Variants in PRR13 observed in about 807,000 individuals in gnomAD.
PRR13 encodes proline-rich protein 13.
Under a neutral mutation model 11.5 loss-of-function variants are expected in PRR13, and 7 were observed. The ratio of observed to expected loss-of-function variants is 0.61; its 90% CI spans 0.34 to 1.14. The LOEUF is 1.14. Ranked by LOEUF, PRR13 falls within the 50% of genes most tolerant of loss-of-function variation. The pLI, the probability that PRR13 is intolerant of heterozygous loss-of-function variation, is 0.03. For synonymous variants in PRR13, 53 were observed against 67.8 expected (o/e 0.78, Z 1.07); for missense variants, 155 against 194.4 (o/e 0.80, Z 1.21).
intron 2 of PRR13, 104 bp from the exon 3 acceptor site, chr12:53,443,287 C>T (rs1315136738): frequency 6.1e-5 from 73 of 1,194,636 alleles, no homozygotes; most frequent in Middle Eastern, 2.9e-4. Context: ...GTCATCTTTC[C>T]GTTTCCCTTT....
In PRR13 at chr12:53,443,717, G is replaced by C. The variant is rs781782509; in HGVS notation, c.346G>C (p.Ala116Pro). The change falls in exon 3 of 4, where the codon GCT becomes CCT. Residue 116 changes from alanine (A) to proline (P), a missense_variant. Physicochemically the swap from Ala to Pro is conservative, Grantham distance 27 (BLOSUM62 -1). Coordinates refer to ENST00000429243, the MANE Select transcript of PRR13 (RefSeq NM_018457.4). The stretch of plus-strand genomic sequence containing the variant: ...GAAGATGCAGAAGAAAATGAAGAAA[G>C]CTCATAAAAAGATGCACAAGCACCA... ...DKKMQKKMKK[A>P]HKKMHKHQKH... is the part of the protein sequence containing the mutation. 1.9e-6 allele frequency: 3 copies of C among 1,613,982 alleles called. No individual in the cohort carries two copies. The highest frequency in any genetic ancestry group is 2.5e-6 in the Non-Finnish European group (3 of 1,179,964).
intron 3 of PRR13, among the ~76,000 whole-genome samples, chr12:53,444,272 AAGTG>A (rs1940356129): frequency 6.6e-6 from 1 of 152,026 alleles, no homozygotes; most frequent in African/African-American, 2.4e-5. Context: ...CCAGCAGAAA[AAGTG>A]AGGACAAGAG....
chr12:53,442,835 C>G, intron 2 of PRR13, 102 bp downstream of exon 2: 1 of 1,287,148 alleles, frequency 7.8e-7, no homozygotes, highest in Admixed American at 1.9e-5. Flanking sequence ...CTGCTGTACC[C>G]GCAAAAGCAA....
rs8652 is a variant in PRR13, at chr12:53,446,601, T to C, written c.*542T>C. 41,475 of 154,844 alleles carry C rather than the reference T, an allele frequency of 0.27. 7,133 individuals carry two copies. Among genetic ancestry groups the C allele is most frequent in the African/African-American group, 0.49 (20,195 of 41,326 alleles). The allele number at this position is 154,844 out of a possible 1,614,324, so 9.6% of individuals were successfully genotyped here. On this transcript the variant is annotated 3_prime_UTR_variant, in exon 4 of 4. Transcript: ENST00000429243. ...TCCTCCTTAGCCCAATATGCTGTCTTGGGTCCTATTCAAATAAAGTTATTT... is the reference window on the plus strand; with the variant it reads ...TCCTCCTTAGCCCAATATGCTGTCTCGGGTCCTATTCAAATAAAGTTATTT...
At chr12:53,443,846 A>T in intron 3 of PRR13, 73 bp downstream of exon 3, 1 of 1,488,458 alleles carries the variant, frequency 6.7e-7, no homozygotes, top group Non-Finnish European at 9.0e-7. Context: ...GGGTTGGGTG[A>T]GGGGGATTCA....
chr12:53,445,897 A>G, intron 3 of PRR13, 118 bp from the exon 4 acceptor site: 1 of 1,481,586 alleles, frequency 6.7e-7, no homozygotes, highest in South Asian at 1.2e-5. Flanking sequence ...TGACCTTCTT[A>G]GGGAAGCAAG....
rs552688673 is a variant in PRR13 at position 53,445,374 on chromosome 12, A to C, written c.403-641A>C. 8.7e-4 allele frequency among the ~76,000 whole-genome samples: 131 copies of C among 151,154 alleles called. No homozygotes were observed. The Middle Eastern group carries it at 0.01, about 12-fold the overall frequency. ...AAAAAAAAAAAAAAAAGGTCTGAAG[A>C]GAACCGAAGAGAATTGAGATTTAGT... On this transcript the variant is annotated intron_variant, in intron 3 of 3. Transcript: ENST00000429243.
At chr12:53,443,835 G>T (rs1483737357) in intron 3 of PRR13, 62 bp downstream of exon 3, 1 of 1,523,148 alleles carries the variant, frequency 6.6e-7, no homozygotes, top group East Asian at 2.4e-5. Context: ...TAGGTAGGCA[G>T]GGGTTGGGTG....
At chr12:53,443,980 G>T in intron 3 of PRR13, 2 of 697,994 alleles carry the variant, frequency 2.9e-6, no homozygotes, top group African/African-American at 1.8e-5. Context: ...TCTCCTATCT[G>T]GGGGGAGTTA....
chr12:53,444,403 C>G (rs919170373), intron 3 of PRR13, among the ~76,000 whole-genome samples: 5 of 151,260 alleles, frequency 3.3e-5, no homozygotes, highest in Non-Finnish European at 7.4e-5. Context: ...AATCTCGGCT[C>G]ACTGCAAGCT....
chr12:53,444,550 CG>C (rs1940365050), intron 3 of PRR13, among the ~76,000 whole-genome samples: 1 of 152,164 alleles, frequency 6.6e-6, no homozygotes, highest in Admixed American at 6.5e-5. Flanking sequence ...AAGATGGTCT[CG>C]ATCTCCTGAC....
chr12:53,446,193 G>A lies in PRR13; in HGVS notation c.*134G>A. On this transcript the variant is annotated 3_prime_UTR_variant, in exon 4 of 4. Coordinates refer to ENST00000429243, the MANE Select transcript of PRR13 (RefSeq NM_018457.4). ...ACCTCCACCTGAGCCTCACCCTGCTGTTGAGCCCTGAGTGGCTAGGGGAAA... is the reference window on the plus strand; with the variant it reads ...ACCTCCACCTGAGCCTCACCCTGCTATTGAGCCCTGAGTGGCTAGGGGAAA... 5 of 1,475,934 alleles carry A rather than the reference G, an allele frequency of 3.4e-6. No individual in the cohort carries two copies. The highest frequency in any genetic ancestry group is 4.5e-6 in the Non-Finnish European group (5 of 1,103,680). The allele number at this position is 1,475,934 out of a possible 1,614,324, so 91.4% of individuals were successfully genotyped here.
rs1592617020 is a variant in PRR13, at chr12:53,442,916, CTG to C, written c.19+185_19+186del. The C allele has an allele frequency of 3.0e-5, 14 of 473,772 alleles. No individual in the cohort carries two copies. In the East Asian group the frequency reaches 4.6e-4, roughly 16 times the overall value. The allele number at this position is 473,772 out of a possible 1,614,324, so 29.3% of individuals were successfully genotyped here. ...TTATTTATTTTTTGAGATGGAGTCT[CTG>C]TTGCCCAGGCTCACTGCAACCTCCG... On this transcript the variant is annotated intron_variant, in intron 2 of 3. Coordinates refer to ENST00000429243, the MANE Select transcript of PRR13 (RefSeq NM_018457.4).
intron 3 of PRR13, among the ~76,000 whole-genome samples, chr12:53,445,346 T>TTA (rs1439224447): frequency 2.8e-5 from 3 of 106,638 alleles, no homozygotes; most frequent in South Asian, 3.3e-4. Context: ...AAACTCCGTC[T>TTA]AAAAAAAAAA....
chr12:53,442,782 C>G (rs998180153), intron 2 of PRR13, 49 bp downstream of exon 2: 1 of 1,569,840 alleles, frequency 6.4e-7, no homozygotes, highest in Admixed American at 1.7e-5. Context: ...TTCTGATGGG[C>G]TCTATAACAG....
chr12:53,445,447 A>C (rs1940385024), intron 3 of PRR13, among the ~76,000 whole-genome samples: 1 of 151,880 alleles, frequency 6.6e-6, no homozygotes, highest in Admixed American at 6.6e-5. Context: ...AAATGTTTTT[A>C]TTTAATAACT....
At chr12:53,442,833 C>A (rs1316523764) in intron 2 of PRR13, 100 bp downstream of exon 2, 1 of 1,292,042 alleles carries the variant, frequency 7.7e-7, no homozygotes, top group East Asian at 2.3e-5. Flanking sequence ...ACCTGCTGTA[C>A]CCGCAAAAGC....
intron 3 of PRR13, 29 bp from the exon 4 acceptor site, chr12:53,445,986 T>TCTTTCCC (rs3830568): frequency 0.19 from 311,441 of 1,610,618 alleles, 34,247 homozygotes; most frequent in African/African-American, 0.48. Flanking sequence ...GATGCTATCT[T>TCTTTCCC]CTTTCCCCTT....
intron 2 of PRR13, 133 bp downstream of exon 2, chr12:53,442,866 C>A: frequency 1.3e-6 from 1 of 748,894 alleles, no homozygotes; most frequent in Non-Finnish European, 2.1e-6. Flanking sequence ...CTAGAGCTGA[C>A]CAGTGCTTTT....
Sources: gnomAD v4.1 joint callset for allele counts (sites outside exome capture counted in the v4.1 genomes callset) on GRCh38, gnomAD v4.1.1 for gene constraint, MANE v1.5 for transcripts, NCBI Gene and HGNC (gene_info 2026-07-23, HGNC 2026-07-21) for gene names.